Variants in GALNT2 observed in about 807,000 individuals in gnomAD.
GALNT2 encodes polypeptide N-acetylgalactosaminyltransferase 2.
GALNT2 carries 31 observed loss-of-function variants against 81.4 expected under a neutral mutation model. The observed-to-expected ratio is 0.38, with a 90% CI of 0.29 to 0.51. The LOEUF is 0.51. Among genes scored for constraint, GALNT2 ranks in the 20% least tolerant of loss-of-function variants. GALNT2 has a pLI of 0.87. For missense variants in GALNT2, 629 were observed against 765.7 expected (o/e 0.82, Z 2.11); for synonymous variants, 303 against 287.4 (o/e 1.05, Z -0.55).
At chr1:230,265,471 G>T in intron 14 of GALNT2, 104 bp downstream of exon 14, 1 of 1,514,868 alleles carries the variant, frequency 6.6e-7, no homozygotes, top group African/African-American at 1.4e-5. Context: ...CCTGGGATGG[G>T]TGATGTCTAT....
chr1:230,132,688 G>A (rs1018457942), intron 1 of GALNT2, among the ~76,000 whole-genome samples: 2 of 152,212 alleles, frequency 1.3e-5, no homozygotes, highest in Non-Finnish European at 2.9e-5. Context: ...GTACAAACCA[G>A]TGGTTGAAAG....
At chr1:230,149,142 A>G (rs1287563901) in intron 1 of GALNT2, among the ~76,000 whole-genome samples, 1 of 152,158 alleles carries the variant, frequency 6.6e-6, no homozygotes, top group Non-Finnish European at 1.5e-5. Flanking sequence ...CAGCCTCCCA[A>G]AGTGCTGAGA....
intron 3 of GALNT2, among the ~76,000 whole-genome samples, chr1:230,211,697 C>T (rs1664238983): frequency 6.6e-6 from 1 of 152,118 alleles, no homozygotes; most frequent in South Asian, 2.1e-4. Flanking sequence ...CACTCGAGCC[C>T]AGAAGTTTGT....
At chr1:230,138,381 C>T (rs918495394) in intron 1 of GALNT2, among the ~76,000 whole-genome samples, 2 of 151,994 alleles carry the variant, frequency 1.3e-5, no homozygotes. Context: ...AAAAATTAGC[C>T]AGGCATGGTG....
intron 1 of GALNT2, among the ~76,000 whole-genome samples, chr1:230,125,600 A>G (rs1661149256): frequency 1.3e-5 from 2 of 152,344 alleles, no homozygotes; most frequent in South Asian, 4.1e-4. Context: ...ACAAAGGGAT[A>G]GTGGGAGTTT....
chr1:230,254,153 C>G (rs1665633626), intron 10 of GALNT2, among the ~76,000 whole-genome samples: 1 of 152,102 alleles, frequency 6.6e-6, no homozygotes, highest in Admixed American at 6.5e-5. Flanking sequence ...GAATCTGTTT[C>G]TTGCATTCAG....
Position 230,261,081 on chromosome 1 carries a change from CTTTTTTT to C in GALNT2, c.1137-1480_1137-1474del, listed in dbSNP as rs60478941. 3.4e-3 allele frequency among the ~76,000 whole-genome samples: 441 copies of C among 130,388 alleles called. 2 individuals are homozygous for C. The highest frequency in any genetic ancestry group is 0.012 in the African/African-American group (421 of 35,346). 85.5% of individuals were successfully genotyped at this position (130,388 alleles called of 152,430 possible). The stretch of plus-strand genomic sequence containing the variant: ...CCTCATATTTAGTCATAAAGTTTCT[CTTTTTTT>C]TTTTTTTTTTTGCTATTATAAACAA... On this transcript the variant is annotated intron_variant, in intron 11 of 15. Transcript: ENST00000366672.
intron 3 of GALNT2, among the ~76,000 whole-genome samples, chr1:230,217,559 TG>T (rs2102719340): frequency 6.6e-6 from 1 of 152,350 alleles, no homozygotes; most frequent in African/African-American, 2.4e-5. Context: ...TAGTCCGTTT[TG>T]TGCTGCTATA....
chr1:230,219,764 A>G (rs971738969), intron 3 of GALNT2, among the ~76,000 whole-genome samples: 6 of 152,276 alleles, frequency 3.9e-5, no homozygotes, highest in African/African-American at 1.4e-4. Context: ...GGTATTCTCC[A>G]CTGCCCTTCT....
chr1:230,239,540 C>T (rs923104348), intron 6 of GALNT2, among the ~76,000 whole-genome samples: 2 of 152,120 alleles, frequency 1.3e-5, no homozygotes, highest in African/African-American at 4.8e-5. Context: ...AGATGTAGGC[C>T]GGGGGAGACC....
At position 230,070,137 on chromosome 1, in the gene GALNT2, A is replaced by T. The variant is rs1232694495; in HGVS notation, c.126+2731A>T. 1.3e-5 allele frequency among the ~76,000 whole-genome samples: 2 copies of T among 152,258 alleles called. No homozygotes were observed. Reference sequence around the variant, plus strand: ...GGAGTGCTGAAGACCAATCTCAGGCACTGCCGCACAACTCGGGACTCAACA... The same window carrying T: ...GGAGTGCTGAAGACCAATCTCAGGCTCTGCCGCACAACTCGGGACTCAACA... On this transcript the variant is annotated intron_variant, in intron 1 of 15. Coordinates refer to ENST00000366672, the MANE Select transcript of GALNT2 (RefSeq NM_004481.5). This position sits in a 1 kb window ranked among gnomAD's most constrained non-coding sequence, Gnocchi z 4.7.
Position 230,178,309 on chromosome 1 carries a change from C to T in GALNT2, c.218C>T (p.Pro73Leu). Reference sequence around the variant, plus strand: ...GCACAAAGCATGGAGACCCTCCCTCCAGGTACTGCCAGGGGCCAGGAAGCC... The same window carrying T: ...GCACAAAGCATGGAGACCCTCCCTCTAGGTACTGCCAGGGGCCAGGAAGCC... ...EKAQSMETLPPGKVRWPDFNQ... is the reference protein window; with the variant it reads ...EKAQSMETLPLGKVRWPDFNQ... The change falls in exon 2 of 16, where the codon CCA becomes CTA. Residue 73 changes from proline (P) to leucine (L), a missense_variant and splice_region_variant. Physicochemically the swap from Pro to Leu is moderately conservative, Grantham distance 98. This residue lies in a region of GALNT2 where 360 missense variants were observed against 492.8 expected (regional missense o/e 0.73). Transcript: ENST00000366672. 1.9e-6 allele frequency: 3 copies of T among 1,611,742 alleles called. No homozygotes were observed. The highest frequency in any genetic ancestry group is 2.5e-6 in the Non-Finnish European group (3 of 1,178,176).
At chr1:230,151,671 C>T (rs1296252709) in intron 1 of GALNT2, among the ~76,000 whole-genome samples, 1 of 152,202 alleles carries the variant, frequency 6.6e-6, no homozygotes, top group East Asian at 1.9e-4. Flanking sequence ...GCTTCAACTA[C>T]AGATGAACCA....
intron 1 of GALNT2, among the ~76,000 whole-genome samples, chr1:230,147,317 A>T (rs1162151113): frequency 3.3e-5 from 5 of 152,232 alleles, no homozygotes; most frequent in Non-Finnish European, 4.4e-5. Flanking sequence ...CGTGAATTAT[A>T]AAGACTTCAT....
intron 1 of GALNT2, among the ~76,000 whole-genome samples, chr1:230,061,454 T>G (rs916891841): frequency 6.6e-6 from 1 of 152,214 alleles, no homozygotes. Context: ...TAAAATTCTT[T>G]CCAGTTCTAG....
chr1:230,077,294 T>C (rs574401439), intron 1 of GALNT2, among the ~76,000 whole-genome samples: 1 of 152,322 alleles, frequency 6.6e-6, no homozygotes, highest in East Asian at 1.9e-4. Context: ...CTCCTGCCCT[T>C]GTCCTGCCCC....
chr1:230,154,069 A>C (rs921818663), intron 1 of GALNT2, among the ~76,000 whole-genome samples: 2 of 152,224 alleles, frequency 1.3e-5, no homozygotes, highest in Non-Finnish European at 2.9e-5. Flanking sequence ...TTGGGGCCTC[A>C]GTGCTTTTTG....
chr1:230,110,998 T>C (rs1660686960), intron 1 of GALNT2, among the ~76,000 whole-genome samples: 1 of 152,194 alleles, frequency 6.6e-6, no homozygotes, highest in Non-Finnish European at 1.5e-5. Context: ...CTTGCAGGAA[T>C]GTGTGTGCGT....
chr1:230,061,680 A>G (rs1175364858), intron 1 of GALNT2, among the ~76,000 whole-genome samples: 2 of 152,172 alleles, frequency 1.3e-5, no homozygotes, highest in Admixed American at 6.5e-5. Flanking sequence ...GTATACTCAG[A>G]GAAGCATCAA....
Sources: allele counts gnomAD v4.1 joint callset (sites outside exome capture counted in the v4.1 genomes callset), GRCh38; gene constraint gnomAD v4.1.1; regional missense constraint gnomAD v4.1.1; non-coding constraint Gnocchi (gnomAD v3.1); transcripts MANE v1.5; gene names NCBI Gene and HGNC (gene_info 2026-07-23, HGNC 2026-07-21).